CSMD2: variants seen among roughly 807,000 people sequenced by gnomAD.
CSMD2 encodes CUB and Sushi multiple domains 2.
A neutral mutation model predicts 398.5 loss-of-function variants in CSMD2; 130 were observed. That is an observed-to-expected ratio of 0.33 (90% CI 0.28 to 0.38). The LOEUF is 0.38. CSMD2 is among the 10% of genes least tolerant of loss of function. CSMD2 has a pLI of 1.00. For missense variants in CSMD2, 3,829 were observed against 4,764.9 expected (o/e 0.80, Z 5.78); for synonymous variants, 1,828 against 1,908.5 (o/e 0.96, Z 1.10).
chr1:33,575,344 G>C (rs756542445), intron 49 of CSMD2, among the ~76,000 whole-genome samples: 3 of 152,196 alleles, frequency 2.0e-5, no homozygotes, highest in African/African-American at 7.2e-5. Context: ...CCAGAATTCT[G>C]TGGGAAGTAG....
chr1:33,864,686 T>C, intron 5 of CSMD2: 1 of 1,613,690 alleles, frequency 6.2e-7, no homozygotes, highest in Non-Finnish European at 8.5e-7. Flanking sequence ...AACAATGTAA[T>C]GCCAGGAAGA....
At chr1:33,878,992 G>A (rs977926229) in intron 5 of CSMD2, among the ~76,000 whole-genome samples, 4 of 152,174 alleles carry the variant, frequency 2.6e-5, no homozygotes, top group Non-Finnish European at 5.9e-5. Flanking sequence ...ACAATGTGTG[G>A]TCACTAGTTC....
intron 3 of CSMD2, among the ~76,000 whole-genome samples, chr1:33,967,298 A>T (rs1645594429): frequency 6.6e-6 from 1 of 151,760 alleles, no homozygotes. Context: ...GTCTATAAAG[A>T]TATTTGAGGA....
Position 34,165,094 on chromosome 1 carries a change from G to T in CSMD2, c.4C>A (p.Pro2Thr), listed in dbSNP as rs1641760370. 16 of 1,213,992 alleles carry T rather than the reference G, an allele frequency of 1.3e-5. No homozygotes were observed. Among genetic ancestry groups the T allele is most frequent in the Non-Finnish European group, 1.6e-5 (16 of 976,454 alleles). 75.2% of individuals were successfully genotyped at this position (1,213,992 alleles called of 1,614,324 possible). MPRSRGRELGRC... is the reference protein window; with the variant it reads MTRSRGRELGRC... ...CCCAGCTCCCGTCCCCGCGAGCGCGGCATGGCGCGGCCGGCAGCGCCGAGG... is the reference window on the plus strand; with the variant it reads ...CCCAGCTCCCGTCCCCGCGAGCGCGTCATGGCGCGGCCGGCAGCGCCGAGG... Residue 2 changes from proline to threonine, a missense_variant, in exon 1 of 71, where the codon CCG (proline) becomes ACG (threonine). Physicochemically the swap from Pro to Thr is conservative, Grantham distance 38. Transcript: ENST00000373381.
In CSMD2 at chr1:33,542,658, C is replaced by T. The variant is rs1300118621; in HGVS notation, c.9277+62G>A. 3 of 1,476,854 alleles carry T rather than the reference C, an allele frequency of 2.0e-6. No homozygotes were observed. In the Admixed American group the frequency reaches 5.7e-5, roughly 28 times the overall value. 91.5% of individuals were successfully genotyped at this position (1,476,854 alleles called of 1,614,324 possible). On this transcript the variant is annotated intron_variant, in intron 58 of 70. Transcript: ENST00000373381. ...CACCATCTTCCATGGATAGCCTTCT[C>T]CTCTGGCATGCAGGATCTGGGCCAC...
intron 2 of CSMD2, among the ~76,000 whole-genome samples, chr1:34,082,075 G>A (rs542536571): frequency 8.0e-5 from 12 of 149,332 alleles, no homozygotes; most frequent in African/African-American, 2.2e-4. Flanking sequence ...AGTGAGGAGC[G>A]TTTCTGCCTG....
At chr1:33,532,742 G>T (rs1475883885) in intron 64 of CSMD2, among the ~76,000 whole-genome samples, 1 of 152,138 alleles carries the variant, frequency 6.6e-6, no homozygotes, top group Non-Finnish European at 1.5e-5. Flanking sequence ...TTTTATCAAG[G>T]GTGCAATATG....
chr1:33,539,435 A>G (rs1196097149), intron 60 of CSMD2, among the ~76,000 whole-genome samples: 1 of 152,244 alleles, frequency 6.6e-6, no homozygotes, highest in Non-Finnish European at 1.5e-5. Flanking sequence ...ATATTGATAA[A>G]GAAAGGTAGA....
intron 5 of CSMD2, among the ~76,000 whole-genome samples, chr1:33,902,029 A>T (rs994896828): frequency 2.0e-5 from 3 of 152,182 alleles, no homozygotes; most frequent in African/African-American, 7.2e-5. Flanking sequence ...ATGGTTAAAA[A>T]TACTGAATTA....
chr1:33,912,222 C>A (rs1023237885), intron 5 of CSMD2, among the ~76,000 whole-genome samples: 1 of 151,920 alleles, frequency 6.6e-6, no homozygotes, highest in East Asian at 1.9e-4. Context: ...CAGGGTGATC[C>A]GAGTGAAATA....
intron 55 of CSMD2, 72 bp downstream of exon 55, chr1:33,557,662 G>T: frequency 7.3e-6 from 8 of 1,090,014 alleles, no homozygotes; most frequent in Non-Finnish European, 1.0e-5. Context: ...ACACACACAT[G>T]CACAGAGGGG....
intron 6 of CSMD2, among the ~76,000 whole-genome samples, chr1:33,833,423 C>T (rs1321090758): frequency 3.3e-5 from 5 of 151,314 alleles, no homozygotes; most frequent in Admixed American, 1.3e-4. Context: ...TCAATAGGGG[C>T]AGAAAAGGCC....
chr1:33,877,879 A>G (rs1332202454), intron 5 of CSMD2, among the ~76,000 whole-genome samples: 3 of 152,110 alleles, frequency 2.0e-5, no homozygotes, highest in Non-Finnish European at 2.9e-5. Flanking sequence ...TCCTGCAGCT[A>G]TACTGGTACA....
At chr1:33,628,631 T>C (rs1642271252) in intron 32 of CSMD2, among the ~76,000 whole-genome samples, 2 of 136,786 alleles carry the variant, frequency 1.5e-5, no homozygotes, top group Admixed American at 8.0e-5. Context: ...ATTGCACCAC[T>C]ACACTCCAGC....
At chr1:34,116,557 C>T (rs951201661) in intron 1 of CSMD2, among the ~76,000 whole-genome samples, 2 of 151,964 alleles carry the variant, frequency 1.3e-5, no homozygotes, top group Non-Finnish European at 1.5e-5. Flanking sequence ...AGAGAGATTT[C>T]CATACCCCAC....
chr1:33,729,472 A>AT (rs1490592035), intron 15 of CSMD2, among the ~76,000 whole-genome samples: 3 of 110,496 alleles, frequency 2.7e-5, no homozygotes, highest in Admixed American at 1.8e-4. Context: ...TTTTTTTTTA[A>AT]TTTTTTAAAA....
intron 24 of CSMD2, among the ~76,000 whole-genome samples, chr1:33,697,615 C>T (rs1645464544): frequency 6.6e-6 from 1 of 152,208 alleles, no homozygotes; most frequent in African/African-American, 2.4e-5. Context: ...GAATGTCAAC[C>T]TCCCTTCCTC....
chr1:33,896,029 G>A (rs1404714466), intron 5 of CSMD2, among the ~76,000 whole-genome samples: 2 of 152,148 alleles, frequency 1.3e-5, no homozygotes, highest in African/African-American at 4.8e-5. Context: ...AGGCTTGCAG[G>A]TCCCTAAATC....
chr1:33,598,014 A>AT (rs1639953706), intron 44 of CSMD2, among the ~76,000 whole-genome samples: 1 of 152,262 alleles, frequency 6.6e-6, no homozygotes, highest in Non-Finnish European at 1.5e-5. Context: ...CAGAAATAAC[A>AT]TGCAAAATTA....
Sources: gnomAD v4.1 joint callset for allele counts (sites outside exome capture counted in the v4.1 genomes callset) on GRCh38, gnomAD v4.1.1 for gene constraint, MANE v1.5 for transcripts, NCBI Gene and HGNC (gene_info 2026-07-23, HGNC 2026-07-21) for gene names.